LRRTM4: variants seen among roughly 807,000 people sequenced by gnomAD.
The protein encoded by LRRTM4 is leucine-rich repeat transmembrane neuronal protein 4.
Under a neutral mutation model 47.6 loss-of-function variants are expected in LRRTM4, and 25 were observed. The ratio of observed to expected loss-of-function variants is 0.53; its 90% CI spans 0.38 to 0.73. The LOEUF (loss-of-function observed/expected upper bound fraction) is 0.73, where lower values mean the gene tolerates loss of function less well. Ranked by LOEUF, LRRTM4 falls within the 30% of genes least tolerant of loss-of-function variation. The pLI is 0.00. For missense variants in LRRTM4, 638 were observed against 713.4 expected (o/e 0.89, Z 1.20); for synonymous variants, 311 against 269.5 (o/e 1.15, Z -1.51).
intron 3 of LRRTM4, among the ~76,000 whole-genome samples, chr2:77,427,997 C>G (rs546579576): frequency 1.3e-5 from 2 of 152,074 alleles, no homozygotes; most frequent in Non-Finnish European, 2.9e-5. Context: ...GTAATTGAAC[C>G]ATAGGGCAGT....
chr2:77,336,969 T>C (rs1259469433), intron 3 of LRRTM4, among the ~76,000 whole-genome samples: 1 of 152,056 alleles, frequency 6.6e-6, no homozygotes. Flanking sequence ...CATAGAGCAC[T>C]CAAGATTCTG....
rs114322310 is a variant in LRRTM4, at chr2:77,324,194, A to G, written c.1551+194124T>C. Among the ~76,000 whole-genome samples the G allele has an allele frequency of 9.9e-3, 1,501 of 152,146 alleles. 33 individuals carry two copies. Among genetic ancestry groups the G allele is most frequent in the African/African-American group, 0.035 (1,433 of 41,526 alleles). On this transcript the variant is annotated intron_variant, in intron 3 of 3. Coordinates refer to ENST00000409884, the MANE Select transcript of LRRTM4 (RefSeq NM_001134745.3). ...CCCTATCCCACATGTATTTGACTTTATTGATATTTTTTCTCGACAAATATT... is the reference window on the plus strand; with the variant it reads ...CCCTATCCCACATGTATTTGACTTTGTTGATATTTTTTCTCGACAAATATT...
chr2:77,387,799 G>T (rs79991344), intron 3 of LRRTM4, among the ~76,000 whole-genome samples: 38 of 152,170 alleles, frequency 2.5e-4, no homozygotes, highest in East Asian at 2.3e-3. Flanking sequence ...ACGGTAATGG[G>T]TTGGAAAGCA....
intron 3 of LRRTM4, among the ~76,000 whole-genome samples, chr2:77,003,838 C>G (rs1677531009): frequency 6.6e-6 from 1 of 152,124 alleles, no homozygotes; most frequent in Non-Finnish European, 1.5e-5. Flanking sequence ...AAGTTTGGAA[C>G]TTCTTAGAGA....
At position 77,506,621 on chromosome 2, in the gene LRRTM4, A is replaced by C. The variant is rs117497255; in HGVS notation, c.1551+11697T>G. The stretch of plus-strand genomic sequence containing the variant: ...TGTGGAAAAATGGGAACTCTTACAC[A>C]ATGCATGTGGTAAGATAAAAAACAT... On this transcript the variant is annotated intron_variant, in intron 3 of 3. Transcript: ENST00000409884. Among the ~76,000 whole-genome samples the C allele has an allele frequency of 9.9e-5, 15 of 152,042 alleles. No individual in the cohort carries two copies. The East Asian group carries it at 2.9e-3, about 29-fold the overall frequency.
intron 3 of LRRTM4, among the ~76,000 whole-genome samples, chr2:76,768,396 C>A (rs1424910785): frequency 6.6e-6 from 1 of 152,032 alleles, no homozygotes; most frequent in African/African-American, 2.4e-5. Flanking sequence ...TAGATTTTTT[C>A]TTTAGAATAA....
intron 3 of LRRTM4, among the ~76,000 whole-genome samples, chr2:77,130,574 GA>G (rs1279880647): frequency 6.6e-6 from 1 of 151,712 alleles, no homozygotes; most frequent in Non-Finnish European, 1.5e-5. Context: ...TGCAGTGGCA[GA>G]ATCTCGGCTC....
intron 3 of LRRTM4, among the ~76,000 whole-genome samples, chr2:76,960,796 T>C (rs1412456351): frequency 6.6e-6 from 1 of 151,572 alleles, no homozygotes; most frequent in Non-Finnish European, 1.5e-5. Context: ...CTTAAATATC[T>C]GGACTTAAAT....
chr2:77,356,154 A>C (rs1671959728), intron 3 of LRRTM4, among the ~76,000 whole-genome samples: 1 of 152,208 alleles, frequency 6.6e-6, no homozygotes, highest in Non-Finnish European at 1.5e-5. Context: ...GTTTTTTTAA[A>C]TGAGATAATA....
chr2:77,127,062 C>T (rs1671668143), intron 3 of LRRTM4, among the ~76,000 whole-genome samples: 1 of 152,082 alleles, frequency 6.6e-6, no homozygotes, highest in Non-Finnish European at 1.5e-5. Context: ...ATTTTTTTAT[C>T]CTCTAAATAT....
At chr2:76,829,793 C>A (rs1302629689) in intron 3 of LRRTM4, among the ~76,000 whole-genome samples, 3 of 151,910 alleles carry the variant, frequency 2.0e-5, no homozygotes, top group Non-Finnish European at 2.9e-5. Flanking sequence ...TCTTCTCTCC[C>A]CTAAAGTGTG....
Position 77,077,258 on chromosome 2 carries a change from C to T in LRRTM4, c.1552-328342G>A, listed in dbSNP as rs558193022. Among the ~76,000 whole-genome samples, 136 of 152,182 alleles carry T rather than the reference C, an allele frequency of 8.9e-4. 1 individual carries two copies. The Middle Eastern group carries it at 0.01, about 11-fold the overall frequency. On this transcript the variant is annotated intron_variant, in intron 3 of 3. Transcript: ENST00000409884. Reference sequence around the variant, plus strand: ...TATCAGTAAATTGTGCCATAGATATCACTAAGTGACTTATCCATACATTTC... The same window carrying T: ...TATCAGTAAATTGTGCCATAGATATTACTAAGTGACTTATCCATACATTTC...
chr2:76,871,584 A>G (rs1481880984), intron 3 of LRRTM4, among the ~76,000 whole-genome samples: 2 of 152,136 alleles, frequency 1.3e-5, no homozygotes, highest in Non-Finnish European at 2.9e-5. Context: ...ATGATCTCCT[A>G]TGATATCTTC....
intron 3 of LRRTM4, among the ~76,000 whole-genome samples, chr2:77,056,482 A>G (rs973181820): frequency 6.6e-6 from 1 of 152,180 alleles, no homozygotes; most frequent in African/African-American, 2.4e-5. Context: ...CAGATTGGCT[A>G]TAACAGAATA....
intron 3 of LRRTM4, among the ~76,000 whole-genome samples, chr2:77,036,171 G>C (rs1230125325): frequency 6.6e-6 from 1 of 151,782 alleles, no homozygotes; most frequent in Non-Finnish European, 1.5e-5. Flanking sequence ...AAGCATTATG[G>C]TGGAATGAGG....
At chr2:77,141,805 A>G (rs1292797133) in intron 3 of LRRTM4, among the ~76,000 whole-genome samples, 9 of 152,166 alleles carry the variant, frequency 5.9e-5, no homozygotes, top group Non-Finnish European at 1.3e-4. Flanking sequence ...CCAATGGTTT[A>G]TATTATGGCA....
chr2:77,293,565 A>G (rs974336956), intron 3 of LRRTM4, among the ~76,000 whole-genome samples: 8 of 152,180 alleles, frequency 5.3e-5, no homozygotes, highest in African/African-American at 1.9e-4. Context: ...CTAAGCTCAT[A>G]TGCATTTTTG....
rs974219308 is a variant in LRRTM4 at position 77,519,026 on chromosome 2, T to C, written c.843A>G (p.Lys281=). The C allele has an allele frequency of 2.5e-6, 4 of 1,611,988 alleles. No individual in the cohort carries two copies. The South Asian group carries it at 3.3e-5, about 13-fold the overall frequency. The change falls in exon 3 of 4, where the codon AAA becomes AAG. Residue 281 remains lysine, a synonymous_variant. Coordinates refer to ENST00000409884, the MANE Select transcript of LRRTM4 (RefSeq NM_001134745.3). The surrounding 1 kb of genome is among the most constrained non-coding windows in gnomAD (Gnocchi z 4.6). ...GTFKCLPNLQ[K]LNLDSNKLTN... is the part of the protein sequence containing the mutation. ...TGAGCTTGTTGGAATCCAAATTCAA[T>C]TTTTGTAAATTGGGGAGGCATTTAA...
chr2:76,748,962 G>A, intron 3 of LRRTM4, 46 bp from the exon 4 acceptor site: 1 of 1,501,458 alleles, frequency 6.7e-7, no homozygotes, highest in Non-Finnish European at 9.2e-7. Context: ...AAATTGCTTT[G>A]GAAAGATAGG....
Sources: gnomAD v4.1 joint callset for allele counts (sites outside exome capture counted in the v4.1 genomes callset) on GRCh38, gnomAD v4.1.1 for gene constraint, Gnocchi (gnomAD v3.1) non-coding constraint, MANE v1.5 for transcripts, NCBI Gene and HGNC (gene_info 2026-07-23, HGNC 2026-07-21) for gene names.